The following ANKRD11 variants were observed in gnomAD, a reference collection of about 807,000 sequenced individuals.
ANKRD11 encodes the protein ankyrin repeat domain-containing protein 11.
Under a neutral mutation model 195.7 loss-of-function variants are expected in ANKRD11, and 17 were observed. The observed-to-expected ratio is 0.09, with a 90% CI of 0.06 to 0.13. ANKRD11 has a LOEUF of 0.13. ANKRD11 is among the 10% of genes least tolerant of loss of function. The probability of loss-of-function intolerance (pLI) is 1.00; values close to 1 mark genes in which losing one functional copy is unlikely to be tolerated. For missense variants in ANKRD11, 3,735 were observed against 3,566.1 expected, an observed-to-expected ratio of 1.05 and a Z score of -1.21; for synonymous variants, 1,953 against 1,528.1, an observed-to-expected ratio of 1.28 and a Z score of -6.49.
chr16:89,428,321 C>G (rs569224605), intron 1 of ANKRD11, among the ~76,000 whole-genome samples: 52 of 151,682 alleles, frequency 3.4e-4, no homozygotes, highest in Middle Eastern at 3.4e-3. Context: ...GTCAGGAGAT[C>G]GAGACCATCC....
In ANKRD11 at chr16:89,283,600, C is replaced by T. The variant is rs1085307572; in HGVS notation, c.2942G>A (p.Cys981Tyr). The part of the protein sequence containing the change: ...AHREELKECG[C>Y]ESGFKDKSDG... Reference sequence around the variant, plus strand: ...GGACTTGTCCTTGAAGCCACTCTCGCAGCCACACTCCTTCAGCTCCTCCCG... The same window carrying T: ...GGACTTGTCCTTGAAGCCACTCTCGTAGCCACACTCCTTCAGCTCCTCCCG... Residue 981 changes from cysteine (C) to tyrosine (Y), a missense_variant, in exon 9 of 13, where the codon TGC (cysteine) becomes TAC (tyrosine). Transcript: ENST00000301030. The surrounding 1 kb of genome is among the most constrained non-coding windows in gnomAD (Gnocchi z 4.3). 2 of 1,609,906 alleles carry T rather than the reference C, an allele frequency of 1.2e-6. No individual in the cohort carries two copies. Among genetic ancestry groups the T allele is most frequent in the African/African-American group, 2.7e-5 (2 of 74,938 alleles).
chr16:89,458,069 T>A (rs2056512974), intron 1 of ANKRD11, among the ~76,000 whole-genome samples: 1 of 151,988 alleles, frequency 6.6e-6, no homozygotes, highest in South Asian at 2.1e-4. Context: ...ACACCTCTGC[T>A]GTGCGGTGGC....
chr16:89,481,230 C>T (rs35627407), intron 1 of ANKRD11, among the ~76,000 whole-genome samples: 8,459 of 152,176 alleles, frequency 0.056, 334 homozygotes, highest in Middle Eastern at 0.18. Context: ...AGTGTGCTTT[C>T]GAGTCCCCTT....
At chr16:89,477,098 A>G (rs1567859189) in intron 1 of ANKRD11, among the ~76,000 whole-genome samples, 2 of 152,248 alleles carry the variant, frequency 1.3e-5, no homozygotes, top group Non-Finnish European at 1.5e-5. Context: ...TTCTTTGTCT[A>G]CTATTTAAAA....
At chr16:89,349,104 G>A (rs865808251) in intron 2 of ANKRD11, among the ~76,000 whole-genome samples, 2 of 94,900 alleles carry the variant, frequency 2.1e-5, no homozygotes, top group South Asian at 6.2e-4. Flanking sequence ...CTCTAGCCTG[G>A]GGGACAGAGT....
intron 2 of ANKRD11, among the ~76,000 whole-genome samples, chr16:89,376,448 GT>G (rs1225458034): frequency 3.9e-5 from 6 of 152,106 alleles, no homozygotes; most frequent in Non-Finnish European, 7.4e-5. Flanking sequence ...TTTTGTTTTT[GT>G]TTTTTTGAGT....
chr16:89,452,682 G>C (rs1462265401), intron 1 of ANKRD11, among the ~76,000 whole-genome samples: 1 of 149,254 alleles, frequency 6.7e-6, no homozygotes, highest in Non-Finnish European at 1.5e-5. Context: ...GCTGAGGCAG[G>C]AGGCAGGAAA....
At position 89,269,724 on chromosome 16, in the gene ANKRD11, C is replaced by T. The variant is rs114711089; in HGVS notation, c.7807-1061G>A. 4.7e-3 allele frequency among the ~76,000 whole-genome samples: 716 copies of T among 152,136 alleles called. 7 individuals are homozygous for T. The highest frequency in any genetic ancestry group is 0.016 in the African/African-American group (678 of 41,464). On this transcript the variant is annotated intron_variant, in intron 12 of 12. Transcript: ENST00000301030. The stretch of plus-strand genomic sequence containing the variant: ...GTTCAAATGATTCTCATGCCTCAGT[C>T]TCCCGGAATTACAGGCACGCACCAC...
intron 2 of ANKRD11, among the ~76,000 whole-genome samples, chr16:89,355,071 C>T (rs962007791): frequency 3.3e-5 from 5 of 152,196 alleles, no homozygotes; most frequent in Admixed American, 1.3e-4. Context: ...CATCTAAAAA[C>T]ATCAGAAAAA....
chr16:89,422,615 C>G (rs542775652), intron 1 of ANKRD11, among the ~76,000 whole-genome samples: 1 of 152,240 alleles, frequency 6.6e-6, no homozygotes, highest in Non-Finnish European at 1.5e-5. Context: ...TCTCCCCTCG[C>G]TTTGTTGCAT....
rs2041902430 is a variant in ANKRD11, at chr16:89,406,279, C to G, written c.-60+12005G>C. ...CACACGTGCTGGTCTCCAGGACAGA[C>G]ATGTCTCAGGCCAACGGCACTGACA... On this transcript the variant is annotated intron_variant, in intron 2 of 12. Coordinates refer to ENST00000301030, the MANE Select transcript of ANKRD11 (RefSeq NM_013275.6). Among the ~76,000 whole-genome samples the G allele has an allele frequency of 2.6e-5, 4 of 152,168 alleles. No individual in the cohort carries two copies. The South Asian group carries it at 8.3e-4, about 31-fold the overall frequency.
rs1393480999 is a variant in ANKRD11 at position 89,287,051 on chromosome 16, T to C, written c.745-865A>G. ...ACTACACAAAACCTCAGGCTTACAA[T>C]TGTGGAGGTCAGAGGTCAAGGTGCT... On this transcript the variant is annotated intron_variant, in intron 7 of 12. Transcript: ENST00000301030. The C allele has an allele frequency of 4.7e-6, 6 of 1,289,824 alleles. No individual in the cohort carries two copies. The South Asian group carries it at 4.9e-5, about 11-fold the overall frequency. The allele number at this position is 1,289,824 out of a possible 1,614,324, so 79.9% of individuals were successfully genotyped here. A position where few individuals can be genotyped will look rare whatever the true frequency, so the allele number is the denominator to read the frequency against.
chr16:89,316,016 G>A (rs1023319943), intron 3 of ANKRD11, among the ~76,000 whole-genome samples: 5 of 152,090 alleles, frequency 3.3e-5, no homozygotes, highest in Admixed American at 1.3e-4. Context: ...GCCCACCAGG[G>A]ACCACCGAGG....
At chr16:89,404,575 A>C (rs2041832661) in intron 2 of ANKRD11, among the ~76,000 whole-genome samples, 1 of 152,218 alleles carries the variant, frequency 6.6e-6, no homozygotes, top group African/African-American at 2.4e-5. Flanking sequence ...AACACTGTTG[A>C]CTCGCAAAGT....
chr16:89,455,657 G>A (rs1044216301), intron 1 of ANKRD11, among the ~76,000 whole-genome samples: 2 of 152,064 alleles, frequency 1.3e-5, no homozygotes, highest in Non-Finnish European at 2.9e-5. Context: ...AGAGAGCTGT[G>A]GAGAGGAACT....
At chr16:89,295,840 G>A (rs1173566252) in intron 4 of ANKRD11, among the ~76,000 whole-genome samples, 2 of 100,612 alleles carry the variant, frequency 2.0e-5, no homozygotes, top group African/African-American at 8.4e-5. Flanking sequence ...GGGGGGATGC[G>A]ACCTTCCTTG....
intron 1 of ANKRD11, among the ~76,000 whole-genome samples, chr16:89,471,421 G>A (rs1255101537): frequency 6.6e-6 from 1 of 152,100 alleles, no homozygotes; most frequent in Non-Finnish European, 1.5e-5. Flanking sequence ...GAGTCCACAG[G>A]AAGTGATTCT....
At chr16:89,427,878 G>C (rs1342971248) in intron 1 of ANKRD11, among the ~76,000 whole-genome samples, 1 of 151,842 alleles carries the variant, frequency 6.6e-6, no homozygotes, top group African/African-American at 2.4e-5. Flanking sequence ...AATAAAACAA[G>C]GGCACTGATT....
At position 89,458,027 on chromosome 16, in the gene ANKRD11, C is replaced by T. The variant is rs144145059; in HGVS notation, c.-145+32218G>A. Among the ~76,000 whole-genome samples, 439 of 152,194 alleles carry T rather than the reference C, an allele frequency of 2.9e-3. 1 individual carries two copies. The highest frequency in any genetic ancestry group is 9.6e-3 in the African/African-American group (397 of 41,526). On this transcript the variant is annotated intron_variant, in intron 1 of 12. Coordinates refer to ENST00000301030, the MANE Select transcript of ANKRD11 (RefSeq NM_013275.6). ...AGACCCCACACCTGGGGACTGGAGA[C>T]CGCAGCCATCCACCTGCAACTCTGT...
Sources: allele counts gnomAD v4.1 joint callset (sites outside exome capture counted in the v4.1 genomes callset), GRCh38; gene constraint gnomAD v4.1.1; non-coding constraint Gnocchi (gnomAD v3.1); transcripts MANE v1.5; gene names NCBI Gene and HGNC (gene_info 2026-07-23, HGNC 2026-07-21).